Variants in ORC5 observed in about 807,000 individuals in gnomAD.
ORC5 encodes origin recognition complex subunit 5, also known as protein phosphatase 1, regulatory subunit 117.
A neutral mutation model predicts 58.8 loss-of-function variants in ORC5; 39 were observed. The ratio of observed to expected loss-of-function variants is 0.66; its 90% CI spans 0.51 to 0.87. ORC5 has a LOEUF of 0.87. Ranked by LOEUF, ORC5 falls within the 40% of genes least tolerant of loss-of-function variation. The pLI is 0.00. For missense variants in ORC5, 493 were observed against 506.3 expected (o/e 0.97, Z 0.25); for synonymous variants, 218 against 177.6 (o/e 1.23, Z -1.81).
At chr7:104,170,745 T>C (rs955168482) in intron 8 of ORC5, among the ~76,000 whole-genome samples, 2 of 152,232 alleles carry the variant, frequency 1.3e-5, no homozygotes, top group African/African-American at 2.4e-5. Context: ...ACTGTTTTAA[T>C]GTGTAAAGCT....
intron 4 of ORC5, among the ~76,000 whole-genome samples, chr7:104,197,448 C>T (rs1358193197): frequency 1.3e-5 from 2 of 151,756 alleles, no homozygotes; most frequent in African/African-American, 4.8e-5. Flanking sequence ...AAAGTCTGGC[C>T]CTCTGCCATT....
intron 9 of ORC5, 156 bp downstream of exon 9, chr7:104,168,317 G>C: frequency 8.1e-7 from 1 of 1,234,074 alleles, no homozygotes; most frequent in Non-Finnish European, 1.0e-6. Context: ...TTCAGTTAAA[G>C]AAAAATCATT....
In ORC5 at chr7:104,145,744, G is replaced by C. The variant is rs1029461844; in HGVS notation, c.1150-8851C>G. ...TAGAAAGAGGTAGGTGGGCTGCTTA[G>C]GGACCCTAGGGCTACAGAAACAATA... is the stretch of plus-strand genomic sequence containing the variant. On this transcript the variant is annotated intron_variant, in intron 12 of 13. Coordinates refer to ENST00000297431, the MANE Select transcript of ORC5 (RefSeq NM_002553.4). Among the ~76,000 whole-genome samples the C allele has an allele frequency of 2.6e-5, 4 of 152,072 alleles. No individual in the cohort carries two copies. In the East Asian group the frequency reaches 7.7e-4, roughly 29 times the overall value.
Position 104,166,821 on chromosome 7 carries a change from T to C in ORC5, c.941A>G (p.Tyr314Cys). Residue 314 changes from tyrosine to cysteine, a missense_variant, in exon 10 of 14, where the codon TAC becomes TGC. Physicochemically the swap from Tyr to Cys is radical, Grantham distance 194. This residue lies in a region of ORC5 where 412 missense variants were observed against 403.7 expected (regional missense o/e 1.02). Coordinates refer to ENST00000297431, the MANE Select transcript of ORC5 (RefSeq NM_002553.4). ...YYSKFILIAA[Y>C]LASYNPARTD... ...TCTTGCTGGATTGTATGAAGCAAGGTATGCAGCAATTAGAATGAACTTAGA... is the reference window on the plus strand; with the variant it reads ...TCTTGCTGGATTGTATGAAGCAAGGCATGCAGCAATTAGAATGAACTTAGA... The C allele has an allele frequency of 6.2e-7, 1 of 1,612,922 alleles. No individual in the cohort carries two copies. The highest frequency in any genetic ancestry group is 1.1e-5 in the South Asian group (1 of 90,998).
chr7:104,144,828 T>C (rs981205338), intron 12 of ORC5, among the ~76,000 whole-genome samples: 2 of 152,228 alleles, frequency 1.3e-5, no homozygotes, highest in Admixed American at 6.5e-5. Flanking sequence ...TAAATGTTCA[T>C]GACAATATGA....
chr7:104,184,271 T>C, intron 6 of ORC5, 100 bp from the exon 7 acceptor site: 1 of 708,904 alleles, frequency 1.4e-6, no homozygotes, highest in South Asian at 1.9e-5. Context: ...TCAGGAAATT[T>C]TACTTAACAC....
At chr7:104,184,451 C>G (rs933302261) in intron 6 of ORC5, 2 of 328,724 alleles carry the variant, frequency 6.1e-6, no homozygotes, top group Admixed American at 8.9e-5. Flanking sequence ...ATGGCAAGAC[C>G]CTGCTTCTTT....
chr7:104,161,241 G>GT (rs2115851082), intron 11 of ORC5, 59 bp from the exon 12 acceptor site: 1 of 909,770 alleles, frequency 1.1e-6, no homozygotes, highest in East Asian at 2.4e-5. Flanking sequence ...CTCACTTTCT[G>GT]TACTACAAAA....
chr7:104,165,531 CA>C (rs1799093210), intron 10 of ORC5: 1 of 329,442 alleles, frequency 3.0e-6, no homozygotes, highest in African/African-American at 2.2e-5. Flanking sequence ...AAAATAATGA[CA>C]TTTCCTAAAA....
intron 5 of ORC5, among the ~76,000 whole-genome samples, chr7:104,189,617 C>T (rs1562825677): frequency 6.6e-6 from 1 of 152,090 alleles, no homozygotes; most frequent in Non-Finnish European, 1.5e-5. Context: ...ATAAAAAAAT[C>T]CTAAATGATG....
chr7:104,158,063 C>G (rs1342931327), intron 12 of ORC5, among the ~76,000 whole-genome samples: 1 of 152,052 alleles, frequency 6.6e-6, no homozygotes, highest in African/African-American at 2.4e-5. Flanking sequence ...ACATGTATCA[C>G]TTATGTAAAT....
intron 12 of ORC5, among the ~76,000 whole-genome samples, chr7:104,150,407 C>T (rs1467794671): frequency 3.9e-5 from 6 of 152,038 alleles, no homozygotes; most frequent in South Asian, 2.1e-4. Context: ...GGAGACTTGA[C>T]GGTTCATGGC....
At chr7:104,171,717 G>A (rs1054376722) in intron 8 of ORC5, among the ~76,000 whole-genome samples, 2 of 152,086 alleles carry the variant, frequency 1.3e-5, no homozygotes, top group Non-Finnish European at 2.9e-5. Flanking sequence ...AGACAGGTGT[G>A]GTGGCGCATG....
rs539025067 is a variant in ORC5, at chr7:104,167,542, T to G, written c.878-658A>C. ...AGGAGCTATGTCTAATGTTTTTTTG[T>G]ATCCCTACACTGCCTTGCACATAGA... On this transcript the variant is annotated intron_variant, in intron 9 of 13. Transcript: ENST00000297431. Among the ~76,000 whole-genome samples, 12 of 152,306 alleles carry G rather than the reference T, an allele frequency of 7.9e-5. No individual in the cohort carries two copies. In the East Asian group the frequency reaches 2.1e-3, roughly 27 times the overall value.
rs369514150 is a variant in ORC5 at position 104,204,360 on chromosome 7, T to C, written c.73-126A>G. The C allele has an allele frequency of 1.8e-3, 1,141 of 638,848 alleles. 19 individuals carry two copies. The South Asian group carries it at 0.02, about 11-fold the overall frequency. The allele number at this position is 638,848 out of a possible 1,614,324, so 39.6% of individuals were successfully genotyped here. On this transcript the variant is annotated intron_variant, in intron 1 of 13. Coordinates refer to ENST00000297431, the MANE Select transcript of ORC5 (RefSeq NM_002553.4). The stretch of plus-strand genomic sequence containing the variant: ...ATCCAAATTCCTAACAATGAGCATA[T>C]TGTGGATGCATCAACACACTTTGAA...
intron 12 of ORC5, among the ~76,000 whole-genome samples, chr7:104,146,448 A>G (rs1798753766): frequency 6.6e-6 from 1 of 152,230 alleles, no homozygotes; most frequent in African/African-American, 2.4e-5. Flanking sequence ...AAACTGTGGT[A>G]TATGTATACC....
At position 104,207,889 on chromosome 7, in the gene ORC5, T is replaced by C; in HGVS notation, c.16A>G (p.Asn6Asp). The change falls in exon 1 of 14, where the codon AAC (asparagine) becomes GAC (aspartate). Residue 6 changes from asparagine to aspartate, a missense_variant. Coordinates refer to ENST00000297431, the MANE Select transcript of ORC5 (RefSeq NM_002553.4). The part of the protein sequence containing the change: MPHLE[N>D]VVLCRESQVS... ...TGAGACTCGCGACAAAGCACCACGT[T>C]TTCCAAGTGGGGCATTCTGGCAGGC... is the stretch of plus-strand genomic sequence containing the variant. The C allele has an allele frequency of 6.2e-7, 1 of 1,614,102 alleles. No individual in the cohort carries two copies. The highest frequency in any genetic ancestry group is 1.7e-5 in the Admixed American group (1 of 60,028).
intron 6 of ORC5, 146 bp downstream of exon 6, chr7:104,188,105 C>T (rs1799588649): frequency 4.2e-6 from 4 of 942,286 alleles, no homozygotes; most frequent in African/African-American, 1.7e-5. Context: ...AGGCCATATG[C>T]AAATTCCCAG....
intron 5 of ORC5, among the ~76,000 whole-genome samples, chr7:104,189,041 C>T (rs994164976): frequency 1.3e-5 from 2 of 152,010 alleles, no homozygotes; most frequent in African/African-American, 4.8e-5. Flanking sequence ...ATAAATTACC[C>T]AGTCTCAGGT....
Sources: gnomAD v4.1 joint callset for allele counts (sites outside exome capture counted in the v4.1 genomes callset) on GRCh38, gnomAD v4.1.1 for gene constraint, gnomAD v4.1.1 regional missense constraint, MANE v1.5 for transcripts, NCBI Gene and HGNC (gene_info 2026-07-23, HGNC 2026-07-21) for gene names.